Variants in TUT4 observed in about 807,000 individuals in gnomAD.
TUT4 encodes the protein terminal uridylyl transferase 4.
In TUT4, 36 loss-of-function variants were observed where a neutral mutation model predicts 192.2. The ratio of observed to expected loss-of-function variants is 0.19; its 90% CI spans 0.14 to 0.25. The LOEUF (loss-of-function observed/expected upper bound fraction) is 0.25. TUT4 is among the 10% of genes least tolerant of loss of function. TUT4 has a pLI of 1.00. For missense variants in TUT4, 1,493 were observed against 1,957.2 expected (o/e 0.76, Z 4.47); for synonymous variants, 618 against 666.0 (o/e 0.93, Z 1.11).
intron 28 of TUT4, among the ~76,000 whole-genome samples, chr1:52,429,572 ATAC>A (rs1375195268): frequency 6.7e-6 from 1 of 150,132 alleles, no homozygotes; most frequent in Non-Finnish European, 1.5e-5. Context: ...ATATATATAT[ATAC>A]TTTTTTTTAA....
At position 52,525,701 on chromosome 1, in the gene TUT4, C is replaced by T. The variant is rs1263147607; in HGVS notation, c.580G>A (p.Val194Met). 1 of 1,614,046 alleles carries T rather than the reference C, an allele frequency of 6.2e-7. No individual in the cohort carries two copies. The highest frequency in any genetic ancestry group is 8.5e-7 in the Non-Finnish European group (1 of 1,180,024). Residue 194 changes from valine (V) to methionine (M), a missense_variant, in exon 2 of 30, where the codon GTG becomes ATG. This residue lies in a region of TUT4 where 260 missense variants were observed against 247.8 expected (regional missense o/e 1.05). Coordinates refer to ENST00000257177, the MANE Select transcript of TUT4 (RefSeq NM_001009881.3). The stretch of plus-strand genomic sequence containing the variant: ...TCTCCCCCTACAGCTTCAATATTCA[C>T]TTTGTCCACAGAAGTAAAGGAGCTT... ...IPSSFTSVDK[V>M]NIEAVGGEKC...
Position 52,481,832 on chromosome 1 carries a change from G to T in TUT4, c.1607C>A (p.Pro536His). 1.9e-6 allele frequency: 3 copies of T among 1,595,388 alleles called. No homozygotes were observed. Among genetic ancestry groups the T allele is most frequent in the South Asian group, 2.3e-5 (2 of 86,748 alleles). The change falls in exon 10 of 30, where the codon CCT becomes CAT. Residue 536 changes from proline to histidine, a missense_variant. Physicochemically the swap from Pro to His is moderately conservative, Grantham distance 77 (BLOSUM62 -2). Transcript: ENST00000257177. ...ACTTCCAAGTAAGCAAGGAAGAAGA[G>T]GGGGTTTTCTCTGTTGTAGAAAAAA... is the stretch of plus-strand genomic sequence containing the variant. ...VMFFLQQRKP[P>H]LLPCLLGSWI...
rs1163318668 is a variant in TUT4, at chr1:52,474,808, G to A, written c.2727+24C>T. ...CATACAACAACCACAAAATCTTACA[G>A]ATCATTTACAAACTGTATCCTACCT... On this transcript the variant is annotated intron_variant, in intron 13 of 29. Transcript: ENST00000257177. The A allele has an allele frequency of 2.0e-6, 3 of 1,536,578 alleles. No homozygotes were observed. The African/African-American group carries it at 4.1e-5, about 21-fold the overall frequency.
intron 2 of TUT4, among the ~76,000 whole-genome samples, chr1:52,524,860 G>C (rs1185717132): frequency 6.6e-6 from 1 of 152,128 alleles, no homozygotes; most frequent in Non-Finnish European, 1.5e-5. Flanking sequence ...TCAGGATAAA[G>C]TCCAAACTTT....
At chr1:52,473,925 G>T (rs1666435429) in intron 13 of TUT4, among the ~76,000 whole-genome samples, 1 of 152,054 alleles carries the variant, frequency 6.6e-6, no homozygotes, top group Non-Finnish European at 1.5e-5. Flanking sequence ...CAGACTATCT[G>T]GCCAGGTGCA....
intron 3 of TUT4, among the ~76,000 whole-genome samples, chr1:52,511,356 A>T (rs1016961144): frequency 2.0e-5 from 3 of 152,204 alleles, no homozygotes; most frequent in African/African-American, 4.8e-5. Context: ...TAGTTTCAAA[A>T]CAACTACTTC....
intron 26 of TUT4, 131 bp downstream of exon 26, chr1:52,436,624 C>G: frequency 1.4e-6 from 2 of 1,412,910 alleles, no homozygotes; most frequent in Non-Finnish European, 1.9e-6. Context: ...AATTTTATCT[C>G]TTTAAGAAAT....
chr1:52,436,511 A>C (rs571630406), intron 26 of TUT4, among the ~76,000 whole-genome samples: 1 of 152,114 alleles, frequency 6.6e-6, no homozygotes, highest in Non-Finnish European at 1.5e-5. Flanking sequence ...AAAAATAAAA[A>C]TCTAAAGAAT....
At chr1:52,524,556 C>T (rs1681193871) in intron 2 of TUT4, among the ~76,000 whole-genome samples, 1 of 151,804 alleles carries the variant, frequency 6.6e-6, no homozygotes, top group African/African-American at 2.4e-5. Flanking sequence ...GCCTGTAATC[C>T]CAGCATTTTG....
intron 24 of TUT4, among the ~76,000 whole-genome samples, chr1:52,444,921 A>G (rs998149245): frequency 2.2e-4 from 33 of 148,076 alleles, no homozygotes; most frequent in African/African-American, 7.1e-4. Flanking sequence ...ATATACATGT[A>G]TGTGTATATA....
intron 1 of TUT4, among the ~76,000 whole-genome samples, chr1:52,545,192 A>G (rs1314860768): frequency 6.6e-6 from 1 of 152,068 alleles, no homozygotes; most frequent in African/African-American, 2.4e-5. Context: ...CCTGGCCAAC[A>G]TGGTGAAATT....
intron 6 of TUT4, among the ~76,000 whole-genome samples, chr1:52,493,865 T>C (rs1671810135): frequency 6.7e-6 from 1 of 150,290 alleles, no homozygotes; most frequent in Middle Eastern, 3.2e-3. Flanking sequence ...AGCATGACCA[T>C]AGCTCACTAC....
At chr1:52,542,998 A>G (rs1687134172) in intron 1 of TUT4, among the ~76,000 whole-genome samples, 2 of 151,978 alleles carry the variant, frequency 1.3e-5, no homozygotes, top group African/African-American at 4.8e-5. Context: ...CAGGTGATCC[A>G]CCCACCTCAG....
chr1:52,446,231 G>A, intron 22 of TUT4, 34 bp downstream of exon 22: 1 of 1,571,474 alleles, frequency 6.4e-7, no homozygotes, highest in Non-Finnish European at 8.6e-7. Flanking sequence ...CCAAATTTTG[G>A]TTGCTCCTGA....
At chr1:52,436,477 A>G (rs1265921640) in intron 26 of TUT4, among the ~76,000 whole-genome samples, 1 of 152,136 alleles carries the variant, frequency 6.6e-6, no homozygotes. Flanking sequence ...CAAGAGCGAG[A>G]CTCCATCTCA....
At chr1:52,447,780 C>T (rs1159141280) in intron 20 of TUT4, among the ~76,000 whole-genome samples, 1 of 152,176 alleles carries the variant, frequency 6.6e-6, no homozygotes, top group African/African-American at 2.4e-5. Context: ...AATCATCTCC[C>T]TAAGTGCTCA....
At chr1:52,501,937 G>C (rs553385552) in intron 4 of TUT4, among the ~76,000 whole-genome samples, 2 of 152,204 alleles carry the variant, frequency 1.3e-5, no homozygotes, top group Non-Finnish European at 2.9e-5. Flanking sequence ...TGGTTACTAG[G>C]GGCTGCAGGG....
chr1:52,499,802 G>A (rs188332291), intron 4 of TUT4, among the ~76,000 whole-genome samples: 50 of 151,998 alleles, frequency 3.3e-4, no homozygotes, highest in Non-Finnish European at 4.6e-4. Flanking sequence ...CAGGCCAGGC[G>A]TGGTGGCTCA....
rs1680992288 is a variant in TUT4, at chr1:52,523,936, T to G, written c.718+1627A>C. 1.3e-5 allele frequency among the ~76,000 whole-genome samples: 2 copies of G among 152,146 alleles called. 1 individual carries two copies. Among genetic ancestry groups the G allele is most frequent in the South Asian group, 4.1e-4 (2 of 4,820 alleles). On this transcript the variant is annotated intron_variant, in intron 2 of 29. Transcript: ENST00000257177. Reference sequence around the variant, plus strand: ...TGATTCAGAAATAGGTTCTTTTTATTTCTACATCAAGATAACGCTGTATTT... The same window carrying G: ...TGATTCAGAAATAGGTTCTTTTTATGTCTACATCAAGATAACGCTGTATTT...
Sources: gnomAD v4.1 joint callset for allele counts (sites outside exome capture counted in the v4.1 genomes callset) on GRCh38, gnomAD v4.1.1 for gene constraint, gnomAD v4.1.1 regional missense constraint, MANE v1.5 for transcripts, NCBI Gene and HGNC (gene_info 2026-07-23, HGNC 2026-07-21) for gene names.